Variants in KMT2C observed in about 807,000 individuals in gnomAD.
KMT2C encodes the protein lysine methyltransferase 2C.
In KMT2C, 88 loss-of-function variants were observed where a neutral mutation model predicts 507.9. The observed-to-expected ratio is 0.17, with a 90% CI of 0.15 to 0.21. The LOEUF is 0.21. Among genes scored for constraint, KMT2C ranks in the 10% least tolerant of loss-of-function variants. The probability of loss-of-function intolerance (pLI) is 1.00; values close to 1 mark genes in which losing one functional copy is unlikely to be tolerated. For missense variants in KMT2C, 4,954 were observed against 5,957.8 expected, an observed-to-expected ratio of 0.83 and a Z score of 5.55; for synonymous variants, 2,049 against 2,080.8, an observed-to-expected ratio of 0.98 and a Z score of 0.42.
At chr7:152,323,833 GT>G (rs369755720) in intron 3 of KMT2C, among the ~76,000 whole-genome samples, 4 of 145,792 alleles carry the variant, frequency 2.7e-5, no homozygotes, top group East Asian at 2.0e-4. Flanking sequence ...TTAAGGAAGA[GT>G]GGGGAGAGAG....
At chr7:152,386,062 G>A (rs1233655939) in intron 1 of KMT2C, among the ~76,000 whole-genome samples, 1 of 150,910 alleles carries the variant, frequency 6.6e-6, no homozygotes. Context: ...ACTCCAGCCC[G>A]AGTGACAGAA....
chr7:152,223,953 T>C, intron 20 of KMT2C, 62 bp downstream of exon 20: 3 of 835,660 alleles, frequency 3.6e-6, no homozygotes, highest in Non-Finnish European at 5.0e-6. Flanking sequence ...TTTCCATTTG[T>C]TTTTTTTTTT....
Position 152,158,972 on chromosome 7 carries a change from G to A in KMT2C, c.11561C>T (p.Thr3854Ile), listed in dbSNP as rs1467306566. ...SETKKQRSKR[T>I]QRTGEKAAPR... ...TGCTGCTTTCTCACCCGTCCTCTGA[G>A]TCCGTTTGCTTCGCTGTTTCTTGGT... Residue 3854 changes from threonine to isoleucine, a missense_variant, in exon 44 of 59, where the codon ACT becomes ATT. Thr to Ile is a moderately conservative substitution (Grantham distance 89). This residue lies in a region of KMT2C where 801 missense variants were observed against 751.2 expected (regional missense o/e 1.07). Coordinates refer to ENST00000262189, the MANE Select transcript of KMT2C (RefSeq NM_170606.3). 2 of 1,614,160 alleles carry A rather than the reference G, an allele frequency of 1.2e-6. No homozygotes were observed. The highest frequency in any genetic ancestry group is 8.5e-7 in the Non-Finnish European group (1 of 1,180,038).
intron 24 of KMT2C, among the ~76,000 whole-genome samples, 170 bp from the exon 25 acceptor site, chr7:152,205,395 CA>C (rs35077313): frequency 0.018 from 1,025 of 57,184 alleles, 6 homozygotes; most frequent in South Asian, 0.028. Context: ...TAAAAACGAC[CA>C]AAAAAAAAAA....
intron 14 of KMT2C, among the ~76,000 whole-genome samples, chr7:152,244,293 G>A (rs2095434172): frequency 1.3e-5 from 2 of 152,170 alleles, no homozygotes; most frequent in Admixed American, 1.3e-4. Context: ...TTAGCTTGAT[G>A]TTCTAAAATC....
chr7:152,334,435 A>G (rs760768623), intron 2 of KMT2C, among the ~76,000 whole-genome samples: 17 of 152,198 alleles, frequency 1.1e-4, no homozygotes, highest in Non-Finnish European at 2.4e-4. Context: ...CTGGGCAACA[A>G]GAGCAAAACT....
intron 3 of KMT2C, among the ~76,000 whole-genome samples, chr7:152,326,724 C>A (rs182001787): frequency 1.3e-5 from 2 of 151,876 alleles, no homozygotes; most frequent in East Asian, 3.9e-4. Flanking sequence ...ACTAAAAATA[C>A]AAAAAAATTA....
chr7:152,393,555 C>T (rs2097516920), intron 1 of KMT2C, among the ~76,000 whole-genome samples: 1 of 152,164 alleles, frequency 6.6e-6, no homozygotes, highest in African/African-American at 2.4e-5. Context: ...AACATCCTTG[C>T]TCTCTCACCC....
At chr7:152,155,495 C>T (rs1357353603) in intron 46 of KMT2C, among the ~76,000 whole-genome samples, 1 of 152,158 alleles carries the variant, frequency 6.6e-6, no homozygotes, top group South Asian at 2.1e-4. Context: ...TCCACGACGG[C>T]GTTCTCTGAT....
chr7:152,356,909 T>G (rs949824190), intron 2 of KMT2C, among the ~76,000 whole-genome samples: 21 of 142,088 alleles, frequency 1.5e-4, no homozygotes, highest in South Asian at 1.1e-3. Context: ...ATAATAATAA[T>G]AATAATAATA....
At position 152,202,949 on chromosome 7, in the gene KMT2C, G is replaced by A. The variant is rs2094191860; in HGVS notation, c.4077C>T (p.Phe1359=). Residue 1359 remains phenylalanine (F), a synonymous_variant, in exon 26 of 59, where the codon TTC becomes TTT. Transcript: ENST00000262189. ...RKRKNKLEET[F]PAYLQEAFFG... is the part of the protein sequence containing the mutation. ...AAAATATTACTTGTAAATAGGCAGGGAAAGTTTCTTCAAGCTTATTTTTCC... is the reference window on the plus strand; with the variant it reads ...AAAATATTACTTGTAAATAGGCAGGAAAAGTTTCTTCAAGCTTATTTTTCC... The A allele has an allele frequency of 9.4e-6, 15 of 1,600,326 alleles. No individual in the cohort carries two copies. Among genetic ancestry groups the A allele is most frequent in the Non-Finnish European group, 1.1e-5 (13 of 1,170,324 alleles).
At chr7:152,399,916 C>G (rs970296440) in intron 1 of KMT2C, among the ~76,000 whole-genome samples, 1 of 146,128 alleles carries the variant, frequency 6.8e-6, no homozygotes, top group African/African-American at 2.5e-5. Context: ...ATGGCCAGAC[C>G]AAAAAAAAAC....
chr7:152,311,551 C>T (rs760457443), intron 5 of KMT2C, among the ~76,000 whole-genome samples: 15 of 152,046 alleles, frequency 9.9e-5, no homozygotes, highest in South Asian at 2.1e-4. Flanking sequence ...TCCATGGCAC[C>T]GCTATCTACA....
intron 3 of KMT2C, among the ~76,000 whole-genome samples, chr7:152,329,900 C>T (rs1479619595): frequency 1.3e-5 from 2 of 151,584 alleles, no homozygotes; most frequent in Non-Finnish European, 2.9e-5. Context: ...AATCCCAGCA[C>T]TTTGGGAAGC....
chr7:152,205,343 C>A, intron 24 of KMT2C, 118 bp from the exon 25 acceptor site: 11 of 469,518 alleles, frequency 2.3e-5, no homozygotes, highest in Non-Finnish European at 2.4e-5. Context: ...TAAATCTGTG[C>A]TAATCTAAAT....
chr7:152,381,788 A>G (rs1589607598), intron 1 of KMT2C, among the ~76,000 whole-genome samples: 1 of 152,196 alleles, frequency 6.6e-6, no homozygotes, highest in African/African-American at 2.4e-5. Context: ...GCTTTGAGTG[A>G]TGTTTGATTA....
chr7:152,249,750 G>C (rs975964176), intron 13 of KMT2C, 126 bp downstream of exon 13: 4 of 215,642 alleles, frequency 1.9e-5, no homozygotes, highest in Non-Finnish European at 2.7e-5. Flanking sequence ...TTCTTTTCCA[G>C]AATCTCTTAA....
intron 23 of KMT2C, among the ~76,000 whole-genome samples, chr7:152,212,866 C>T (rs1234917333): frequency 6.6e-6 from 1 of 152,210 alleles, no homozygotes; most frequent in Non-Finnish European, 1.5e-5. Flanking sequence ...CATGGCGAAA[C>T]CCTGTCTCTA....
intron 1 of KMT2C, among the ~76,000 whole-genome samples, chr7:152,361,159 G>A (rs1315952210): frequency 6.6e-6 from 1 of 152,056 alleles, no homozygotes; most frequent in Non-Finnish European, 1.5e-5. Flanking sequence ...TAAATAAAAA[G>A]ACTACAAAAC....
Sources: allele counts gnomAD v4.1 joint callset (sites outside exome capture counted in the v4.1 genomes callset), GRCh38; gene constraint gnomAD v4.1.1; regional missense constraint gnomAD v4.1.1; transcripts MANE v1.5; gene names NCBI Gene and HGNC (gene_info 2026-07-23, HGNC 2026-07-21).